The following PPP4R4 variants were observed in gnomAD, a reference collection of about 807,000 sequenced individuals.
The protein encoded by PPP4R4 is serine/threonine-protein phosphatase 4 regulatory subunit 4.
A neutral mutation model predicts 121.8 loss-of-function variants in PPP4R4; 70 were observed. The ratio of observed to expected loss-of-function variants is 0.57; its 90% CI spans 0.47 to 0.70. PPP4R4 has a LOEUF of 0.70. Among genes scored for constraint, PPP4R4 ranks in the 30% least tolerant of loss-of-function variants. The probability of loss-of-function intolerance (pLI) is 0.00; values close to 1 mark genes in which losing one functional copy is unlikely to be tolerated. For missense variants in PPP4R4, 875 were observed against 1,033.6 expected (o/e 0.85, Z 2.10); for synonymous variants, 348 against 355.7 (o/e 0.98, Z 0.24).
At chr14:94,214,882 G>T (rs1004611545) in intron 3 of PPP4R4, among the ~76,000 whole-genome samples, 1 of 152,064 alleles carries the variant, frequency 6.6e-6, no homozygotes, top group Non-Finnish European at 1.5e-5. Context: ...AAGTCAAAAT[G>T]CAGTCAAAAC....
At chr14:94,240,012 T>C (rs1201465909) in intron 8 of PPP4R4, among the ~76,000 whole-genome samples, 1 of 152,200 alleles carries the variant, frequency 6.6e-6, no homozygotes, top group Non-Finnish European at 1.5e-5. Context: ...TTTTATTTAG[T>C]ATTTCTAGAT....
intron 2 of PPP4R4, among the ~76,000 whole-genome samples, chr14:94,187,251 A>G (rs1348761094): frequency 6.6e-6 from 1 of 152,096 alleles, no homozygotes; most frequent in East Asian, 1.9e-4. Context: ...GGTTGCAGTG[A>G]GCCAAGATCG....
At chr14:94,252,817 A>C (rs1264392383) in intron 16 of PPP4R4, among the ~76,000 whole-genome samples, 2 of 152,214 alleles carry the variant, frequency 1.3e-5, no homozygotes, top group African/African-American at 4.8e-5. Context: ...ATGCATCTGA[A>C]AGATGCATAT....
chr14:94,205,538 C>G (rs1451162773), intron 2 of PPP4R4, among the ~76,000 whole-genome samples: 1 of 150,956 alleles, frequency 6.6e-6, no homozygotes, highest in Non-Finnish European at 1.5e-5. Flanking sequence ...AATCTCATCT[C>G]TTTGTTTCTT....
chr14:94,262,007 C>A (rs1427663361), intron 19 of PPP4R4, among the ~76,000 whole-genome samples: 1 of 151,836 alleles, frequency 6.6e-6, no homozygotes, highest in Admixed American at 6.6e-5. Context: ...TATAATTCCC[C>A]TTTTTGTCAT....
Position 94,248,298 on chromosome 14 carries a change from G to T in PPP4R4, c.1611+1759G>T, listed in dbSNP as rs544101095. ...TCAAGCTGAGAGCCAAATCAAGAAT[G>T]CAATCCCAATTTTAATAGCCACAAA... is the stretch of plus-strand genomic sequence containing the variant. On this transcript the variant is annotated intron_variant, in intron 14 of 24. Transcript: ENST00000304338. Among the ~76,000 whole-genome samples, 304 of 152,180 alleles carry T rather than the reference G, an allele frequency of 2.0e-3. 1 individual carries two copies. Among genetic ancestry groups the T allele is most frequent in the African/African-American group, 7.1e-3 (296 of 41,538 alleles).
At chr14:94,268,552 T>G (rs1251756494) in intron 23 of PPP4R4, among the ~76,000 whole-genome samples, 1 of 152,132 alleles carries the variant, frequency 6.6e-6, no homozygotes, top group Non-Finnish European at 1.5e-5. Context: ...TTTTATGAGG[T>G]GTATTTGTCT....
intron 1 of PPP4R4, 121 bp from the exon 2 acceptor site, chr14:94,175,933 T>A: frequency 1.3e-6 from 1 of 777,038 alleles, no homozygotes; most frequent in Non-Finnish European, 2.2e-6. Context: ...TAGTTTTCAT[T>A]GTTAATGCTT....
intron 5 of PPP4R4, among the ~76,000 whole-genome samples, chr14:94,232,218 T>C (rs1361249660): frequency 6.6e-6 from 1 of 152,240 alleles, no homozygotes; most frequent in Non-Finnish European, 1.5e-5. Context: ...GAAAAGATTT[T>C]GTATTCTTTG....
At chr14:94,247,764 A>G (rs1330182172) in intron 14 of PPP4R4, among the ~76,000 whole-genome samples, 1 of 152,252 alleles carries the variant, frequency 6.6e-6, no homozygotes, top group Non-Finnish European at 1.5e-5. Flanking sequence ...CAACATAAGC[A>G]AATCAATAAA....
At chr14:94,187,933 T>C (rs966414368) in intron 2 of PPP4R4, among the ~76,000 whole-genome samples, 2 of 152,230 alleles carry the variant, frequency 1.3e-5, no homozygotes, top group East Asian at 3.8e-4. Context: ...GGATTTATCA[T>C]CAGTTATGTT....
intron 24 of PPP4R4, among the ~76,000 whole-genome samples, chr14:94,277,422 G>A (rs778150678): frequency 2.6e-5 from 4 of 152,164 alleles, no homozygotes; most frequent in East Asian, 1.9e-4. Context: ...ACTGGCCCTC[G>A]CTGTGCATGT....
At chr14:94,241,105 A>G (rs1240687136) in intron 9 of PPP4R4, among the ~76,000 whole-genome samples, 1 of 152,128 alleles carries the variant, frequency 6.6e-6, no homozygotes, top group Non-Finnish European at 1.5e-5. Flanking sequence ...AACTATTTGT[A>G]CGTAGTAAGT....
At chr14:94,249,375 A>G (rs1330706133) in intron 14 of PPP4R4, among the ~76,000 whole-genome samples, 1 of 152,112 alleles carries the variant, frequency 6.6e-6, no homozygotes, top group Non-Finnish European at 1.5e-5. Context: ...GAGAGGAGGT[A>G]GCAGGCAACA....
chr14:94,212,710 A>G (rs1000281299), intron 3 of PPP4R4, among the ~76,000 whole-genome samples: 1 of 152,056 alleles, frequency 6.6e-6, no homozygotes, highest in Non-Finnish European at 1.5e-5. Context: ...GAAATCTTAG[A>G]TGTTTGTTAG....
chr14:94,237,743 T>C lies in PPP4R4; in HGVS notation c.853+57T>C, dbSNP rs530209287. 1.9e-6 allele frequency: 3 copies of C among 1,561,742 alleles called. 1 individual carries two copies. In the South Asian group the frequency reaches 3.4e-5, roughly 18 times the overall value. ...AAACAGTGTTTTTCTACATGTTTTA[T>C]GTCACTAATAAGGAATAAAAGTAGA... is the stretch of plus-strand genomic sequence containing the variant. On this transcript the variant is annotated intron_variant, in intron 8 of 24. Coordinates refer to ENST00000304338, the MANE Select transcript of PPP4R4 (RefSeq NM_058237.2).
At chr14:94,269,974 A>G (rs1894240222) in intron 23 of PPP4R4, among the ~76,000 whole-genome samples, 3 of 152,198 alleles carry the variant, frequency 2.0e-5, no homozygotes, top group African/African-American at 7.2e-5. Context: ...TTAATAATGT[A>G]TCAGTATTGG....
intron 14 of PPP4R4, among the ~76,000 whole-genome samples, chr14:94,248,545 TA>T (rs1337196026): frequency 6.6e-6 from 1 of 152,142 alleles, no homozygotes; most frequent in East Asian, 1.9e-4. Context: ...TTCACAGAAT[TA>T]AAAAAATTAT....
chr14:94,271,341 A>G (rs1274900552), intron 23 of PPP4R4, among the ~76,000 whole-genome samples: 1 of 152,252 alleles, frequency 6.6e-6, no homozygotes, highest in Non-Finnish European at 1.5e-5. Context: ...TATAACAGTT[A>G]TAGAAGACTA....
Sources: allele counts gnomAD v4.1 joint callset (sites outside exome capture counted in the v4.1 genomes callset), GRCh38; gene constraint gnomAD v4.1.1; transcripts MANE v1.5; gene names NCBI Gene and HGNC (gene_info 2026-07-23, HGNC 2026-07-21).